Variants in CETP observed in about 807,000 individuals in gnomAD.
CETP encodes cholesteryl ester transfer protein, also known as BPI fold containing family F.
Under a neutral mutation model 66.5 loss-of-function variants are expected in CETP, and 56 were observed. The observed-to-expected ratio is 0.84, with a 90% CI of 0.68 to 1.05. The LOEUF (loss-of-function observed/expected upper bound fraction) is 1.05. Among genes scored for constraint, CETP ranks in the 50% least tolerant of loss-of-function variants. The pLI, the probability that CETP is intolerant of heterozygous loss-of-function variation, is 0.00. For synonymous variants in CETP, 251 were observed against 245.7 expected, an observed-to-expected ratio of 1.02 and a Z score of -0.20; for missense variants, 612 against 609.6, an observed-to-expected ratio of 1.00 and a Z score of -0.04.
intron 2 of CETP, among the ~76,000 whole-genome samples, chr16:56,965,865 G>A (rs1261020107): frequency 4.2e-5 from 6 of 141,326 alleles, no homozygotes; most frequent in African/African-American, 1.7e-4. Flanking sequence ...CAAGTCCCCG[G>A]CGGCACAGGC....
At chr16:56,980,402 G>A (rs2056179328) in intron 11 of CETP, among the ~76,000 whole-genome samples, 1 of 152,010 alleles carries the variant, frequency 6.6e-6, no homozygotes, top group African/African-American at 2.4e-5. Flanking sequence ...AAATCCCTGG[G>A]CTCAAGTGAT....
intron 9 of CETP, 57 bp downstream of exon 9, chr16:56,973,567 T>C: frequency 1.3e-6 from 2 of 1,569,166 alleles, no homozygotes; most frequent in South Asian, 2.2e-5. Flanking sequence ...TATGTGTGTG[T>C]GTGCACACGC....
intron 10 of CETP, 125 bp from the exon 11 acceptor site, chr16:56,977,966 G>T: frequency 8.9e-7 from 1 of 1,129,938 alleles, no homozygotes; most frequent in Non-Finnish European, 1.3e-6. Context: ...GCACTACCCC[G>T]AGCTACTTCC....
chr16:56,966,578 T>C (rs1345310487), intron 2 of CETP, among the ~76,000 whole-genome samples: 1 of 151,952 alleles, frequency 6.6e-6, no homozygotes, highest in African/African-American at 2.4e-5. Context: ...TTTTTTTGTT[T>C]GTTTGTTTGT....
intron 2 of CETP, among the ~76,000 whole-genome samples, chr16:56,968,173 C>T (rs1031834838): frequency 6.6e-6 from 1 of 151,266 alleles, no homozygotes; most frequent in Non-Finnish European, 1.5e-5. Context: ...TTGATATAGA[C>T]CTGCAACGTT....
intron 8 of CETP, 30 bp from the exon 9 acceptor site, chr16:56,973,301 G>C (rs2056126188): frequency 1.9e-6 from 3 of 1,613,218 alleles, no homozygotes; most frequent in Non-Finnish European, 2.5e-6. Context: ...GGGACACACA[G>C]GGTCCAGCCA....
rs749487723 is a variant in CETP, at chr16:56,978,192, G to T, written c.1083G>T (p.Val361=). The stretch of plus-strand genomic sequence containing the variant: ...AGGGAGTCGTGGTCAATTCTTCAGT[G>T]ATGGTGAAATTCCTCTTTCCACGCC... The part of the protein sequence containing the change: ...QNKGVVVNSS[V]MVKFLFPRPD... Residue 361 remains valine, a synonymous_variant, in exon 11 of 16, where the codon GTG becomes GTT. Coordinates refer to ENST00000200676, the MANE Select transcript of CETP (RefSeq NM_000078.3). 10 of 1,614,134 alleles carry T rather than the reference G, an allele frequency of 6.2e-6. No homozygotes were observed. The Admixed American group carries it at 1.5e-4, about 24-fold the overall frequency.
chr16:56,973,468 G>A lies in CETP; in HGVS notation c.888G>A (p.Gln296=). The A allele has an allele frequency of 6.2e-7, 1 of 1,614,220 alleles. No homozygotes were observed. Among genetic ancestry groups the A allele is most frequent in the Middle Eastern group, 1.6e-4 (1 of 6,062 alleles). ...VFHSLAKVAF[Q]DGRLMLSLMG... is the part of the protein sequence containing the mutation. Reference sequence around the variant, plus strand: ...ACTCGCTGGCCAAGGTAGCTTTCCAGGATGGCCGCCTCATGCTCAGCCTGA... The same window carrying A: ...ACTCGCTGGCCAAGGTAGCTTTCCAAGATGGCCGCCTCATGCTCAGCCTGA... The change falls in exon 9 of 16, where the codon CAG becomes CAA. Residue 296 remains glutamine, a synonymous_variant. Coordinates refer to ENST00000200676, the MANE Select transcript of CETP (RefSeq NM_000078.3).
rs756832123 is a variant in CETP at position 56,963,138 on chromosome 16, C to T, written c.233+14C>T. ...TGGGTTGCACAAGTGAGTCGGGCCT[C>T]GGGTGTGACCAGGCTGGGGGTAGGG... On this transcript the variant is annotated intron_variant, in intron 2 of 15. Transcript: ENST00000200676. 1.9e-6 allele frequency: 3 copies of T among 1,600,890 alleles called. No individual in the cohort carries two copies. The highest frequency in any genetic ancestry group is 1.7e-5 in the Admixed American group (1 of 59,866).
chr16:56,967,654 C>CAAA (rs766914734), intron 2 of CETP, among the ~76,000 whole-genome samples: 1 of 61,760 alleles, frequency 1.6e-5, no homozygotes. Context: ...GACTCAGTCT[C>CAAA]AAAAAAAAAA....
At chr16:56,966,712 G>C (rs1206143655) in intron 2 of CETP, among the ~76,000 whole-genome samples, 1 of 151,468 alleles carries the variant, frequency 6.6e-6, no homozygotes, top group East Asian at 1.9e-4. Context: ...CGATTCTCCT[G>C]CCTCAACCTC....
Position 56,983,600 on chromosome 16 carries a change from G to T in CETP, c.1416G>T (p.Leu472=). 1 of 1,614,172 alleles carries T rather than the reference G, an allele frequency of 6.2e-7. No homozygotes were observed. Residue 472 remains leucine, a synonymous_variant, in exon 16 of 16, where the codon CTG becomes CTT. Transcript: ENST00000200676. ...NPEIITRDGF[L]LLQMDFGFPE... is the part of the protein sequence containing the mutation. ...ACTGCCCCTCCCTTCAGGGCTTCCT[G>T]CTGCTGCAGATGGACTTTGGCTTCC...
In CETP at chr16:56,971,303, C is replaced by T. The variant is rs756599078; in HGVS notation, c.598-18C>T. ...GCCTCCTTTCCTGCCTGGAAAGCACCTGCTCTGTCTGCCCCAGATCTGCAA... is the reference window on the plus strand; with the variant it reads ...GCCTCCTTTCCTGCCTGGAAAGCACTTGCTCTGTCTGCCCCAGATCTGCAA... On this transcript the variant is annotated intron_variant, in intron 6 of 15. Transcript: ENST00000200676. 1.2e-6 allele frequency: 2 copies of T among 1,613,728 alleles called. No individual in the cohort carries two copies. Among genetic ancestry groups the T allele is most frequent in the East Asian group, 4.5e-5 (2 of 44,884 alleles).
At chr16:56,969,341 C>T in intron 2 of CETP, 45 bp from the exon 3 acceptor site, 1 of 1,612,424 alleles carries the variant, frequency 6.2e-7, no homozygotes, top group East Asian at 2.2e-5. Flanking sequence ...CCTTGGGCTC[C>T]CTGGATGACC....
Position 56,969,658 on chromosome 16 carries a change from A to G in CETP, c.416A>G (p.Asp139Gly), listed in dbSNP as rs1185258873. ...SIDFEIDSAIDLQINTQLTCD... is the reference protein window; with the variant it reads ...SIDFEIDSAIGLQINTQLTCD... ...GACTTCGAGATCGACTCTGCCATTGACCTCCAGATCAACACACAGCTGAGT... is the reference window on the plus strand; with the variant it reads ...GACTTCGAGATCGACTCTGCCATTGGCCTCCAGATCAACACACAGCTGAGT... Residue 139 changes from aspartate (D) to glycine (G), a missense_variant, in exon 4 of 16, where the codon GAC (aspartate) becomes GGC (glycine). By Grantham distance (94) the Asp-to-Gly change is moderately conservative. Transcript: ENST00000200676. The G allele has an allele frequency of 2.5e-6, 4 of 1,613,230 alleles. No homozygotes were observed. Among genetic ancestry groups the G allele is most frequent in the Non-Finnish European group, 3.4e-6 (4 of 1,179,850 alleles).
intron 9 of CETP, among the ~76,000 whole-genome samples, chr16:56,973,786 T>C (rs1420345365): frequency 6.6e-6 from 1 of 152,208 alleles, no homozygotes; most frequent in African/African-American, 2.4e-5. Context: ...GGAGCATGGG[T>C]AAGACTCCTG....
intron 2 of CETP, among the ~76,000 whole-genome samples, chr16:56,968,927 G>T (rs1184644062): frequency 6.6e-6 from 1 of 151,994 alleles, no homozygotes; most frequent in African/African-American, 2.4e-5. Flanking sequence ...AAGGTGGAAA[G>T]TTTGATTATT....
chr16:56,972,871 G>A (rs1242163887), intron 8 of CETP, among the ~76,000 whole-genome samples: 2 of 152,140 alleles, frequency 1.3e-5, no homozygotes, highest in East Asian at 3.8e-4. Context: ...AGAGGTTCAT[G>A]GCCACTCCTG....
rs780590693 is a variant in CETP, at chr16:56,973,370, C to G, written c.790C>G (p.Leu264Val). 1.9e-6 allele frequency: 3 copies of G among 1,614,082 alleles called. No individual in the cohort carries two copies. The highest frequency in any genetic ancestry group is 1.3e-5 in the African/African-American group (1 of 74,918). Residue 264 changes from leucine (L) to valine (V), a missense_variant, in exon 9 of 16, where the codon CTC (leucine) becomes GTC (valine). Transcript: ENST00000200676. ...CAAGAATGTCTCAGAGGACCTCCCC[C>G]TCCCCACCTTCTCGCCCACACTGCT... The part of the protein sequence containing the change: ...IYKNVSEDLP[L>V]PTFSPTLLGD...
Sources: gnomAD v4.1 joint callset for allele counts (sites outside exome capture counted in the v4.1 genomes callset) on GRCh38, gnomAD v4.1.1 for gene constraint, MANE v1.5 for transcripts, NCBI Gene and HGNC (gene_info 2026-07-23, HGNC 2026-07-21) for gene names.